ADGRB3: variants seen among roughly 807,000 people sequenced by gnomAD.
The protein encoded by ADGRB3 is adhesion G protein-coupled receptor B3.
A neutral mutation model predicts 193.4 loss-of-function variants in ADGRB3; 37 were observed. The ratio of observed to expected loss-of-function variants is 0.19; its 90% CI spans 0.15 to 0.25. The LOEUF (loss-of-function observed/expected upper bound fraction) is 0.25, where lower values mean the gene tolerates loss of function less well. Among genes scored for constraint, ADGRB3 ranks in the 10% least tolerant of loss-of-function variants. The pLI, the probability that ADGRB3 is intolerant of heterozygous loss-of-function variation, is 1.00. For synonymous variants in ADGRB3, 690 were observed against 644.2 expected (o/e 1.07, Z -1.08); for missense variants, 1,637 against 1,852.9 (o/e 0.88, Z 2.14).
In ADGRB3 at chr6:68,758,195, T is replaced by A. The variant is rs967740240; in HGVS notation, c.757+118763T>A. Among the ~76,000 whole-genome samples, 4 of 152,242 alleles carry A rather than the reference T, an allele frequency of 2.6e-5. No individual in the cohort carries two copies. The South Asian group carries it at 8.3e-4, about 32-fold the overall frequency. ...TAAGATTAGAGGTAATGAATATTAA[T>A]GTTTAACACATTTTTGGTACATATG... On this transcript the variant is annotated intron_variant, in intron 3 of 31. Transcript: ENST00000370598.
intron 17 of ADGRB3, among the ~76,000 whole-genome samples, chr6:69,207,577 C>G (rs1010989005): frequency 3.3e-5 from 5 of 152,172 alleles, no homozygotes; most frequent in Admixed American, 3.3e-4. Context: ...ATAAGAGAAA[C>G]AGTACCATAT....
At chr6:69,104,658 T>C (rs912442203) in intron 17 of ADGRB3, among the ~76,000 whole-genome samples, 4 of 152,170 alleles carry the variant, frequency 2.6e-5, no homozygotes, top group African/African-American at 7.2e-5. Context: ...TCTAACCAAC[T>C]ACTTTTGTGG....
At chr6:68,928,456 G>A (rs1184703271) in intron 3 of ADGRB3, among the ~76,000 whole-genome samples, 2 of 152,106 alleles carry the variant, frequency 1.3e-5, no homozygotes, top group Non-Finnish European at 2.9e-5. Flanking sequence ...GATCACTTGA[G>A]CCCAGGCGTT....
At chr6:68,820,727 A>G (rs1767733277) in intron 3 of ADGRB3, among the ~76,000 whole-genome samples, 1 of 151,976 alleles carries the variant, frequency 6.6e-6, no homozygotes, top group South Asian at 2.1e-4. Flanking sequence ...GCTCCCACAA[A>G]TGAGTAAGAG....
intron 16 of ADGRB3, among the ~76,000 whole-genome samples, chr6:69,067,965 C>T (rs967120607): frequency 2.0e-5 from 3 of 152,022 alleles, no homozygotes; most frequent in Non-Finnish European, 2.9e-5. Flanking sequence ...AGAGTCAGAT[C>T]GTAAAGAATT....
At chr6:69,375,718 C>T (rs994010014) in intron 30 of ADGRB3, among the ~76,000 whole-genome samples, 7 of 152,056 alleles carry the variant, frequency 4.6e-5, no homozygotes, top group African/African-American at 1.4e-4. Flanking sequence ...TAATAGATAA[C>T]AGTATCCATG....
At chr6:69,342,379 A>G (rs1768992962) in intron 26 of ADGRB3, among the ~76,000 whole-genome samples, 1 of 152,106 alleles carries the variant, frequency 6.6e-6, no homozygotes, top group African/African-American at 2.4e-5. Context: ...AAAATACCCT[A>G]TAACATTACT....
chr6:68,836,451 A>G (rs181680680), intron 3 of ADGRB3, among the ~76,000 whole-genome samples: 2 of 152,130 alleles, frequency 1.3e-5, no homozygotes, highest in African/African-American at 2.4e-5. Flanking sequence ...TATTTCCTGC[A>G]TTTGTATTCT....
At chr6:68,892,097 A>G (rs1250032369) in intron 3 of ADGRB3, among the ~76,000 whole-genome samples, 1 of 152,236 alleles carries the variant, frequency 6.6e-6, no homozygotes, top group African/African-American at 2.4e-5. Context: ...TCCTGCAGCT[A>G]GTGGCTACAG....
At chr6:69,206,167 C>T (rs1444435791) in intron 17 of ADGRB3, among the ~76,000 whole-genome samples, 1 of 149,758 alleles carries the variant, frequency 6.7e-6, no homozygotes, top group Non-Finnish European at 1.5e-5. Flanking sequence ...CTTTGAGTTC[C>T]AAAATTGAAG....
At chr6:69,172,410 G>T (rs190130430) in intron 17 of ADGRB3, among the ~76,000 whole-genome samples, 1 of 151,772 alleles carries the variant, frequency 6.6e-6, no homozygotes, top group Non-Finnish European at 1.5e-5. Context: ...TTGGGAGGCC[G>T]AGGCGGGTGG....
intron 5 of ADGRB3, among the ~76,000 whole-genome samples, chr6:68,938,956 A>C (rs566629913): frequency 6.6e-6 from 1 of 152,298 alleles, no homozygotes; most frequent in South Asian, 2.1e-4. Context: ...TGGATCTCCA[A>C]ATGTGAGTCT....
chr6:69,287,113 T>C (rs1461817670), intron 20 of ADGRB3, among the ~76,000 whole-genome samples: 1 of 152,172 alleles, frequency 6.6e-6, no homozygotes, highest in Non-Finnish European at 1.5e-5. Context: ...AAAGAAAAAA[T>C]GAAGACAGTT....
chr6:69,312,528 C>T (rs562452584), intron 20 of ADGRB3, among the ~76,000 whole-genome samples: 6 of 151,564 alleles, frequency 4.0e-5, no homozygotes, highest in South Asian at 4.2e-4. Context: ...CCTAGAATTC[C>T]GTAACAGGTC....
chr6:68,650,628 C>T (rs867078186), intron 3 of ADGRB3, among the ~76,000 whole-genome samples: 2 of 152,020 alleles, frequency 1.3e-5, no homozygotes, highest in African/African-American at 4.8e-5. Context: ...TTCATTTTGC[C>T]TGTTGATCTC....
intron 13 of ADGRB3, among the ~76,000 whole-genome samples, chr6:69,034,839 T>C (rs1562130633): frequency 6.6e-6 from 1 of 151,820 alleles, no homozygotes; most frequent in Admixed American, 6.6e-5. Flanking sequence ...AAAAAGAGCA[T>C]AACTATATAA....
chr6:69,305,876 T>C (rs1221948318), intron 20 of ADGRB3, among the ~76,000 whole-genome samples: 3 of 151,464 alleles, frequency 2.0e-5, no homozygotes, highest in African/African-American at 4.9e-5. Flanking sequence ...AAAATACCCC[T>C]GGGAAAAATA....
intron 6 of ADGRB3, among the ~76,000 whole-genome samples, chr6:68,950,942 G>T (rs1281576118): frequency 6.6e-6 from 1 of 151,928 alleles, no homozygotes; most frequent in East Asian, 1.9e-4. Flanking sequence ...TTCATACTTT[G>T]CATCTTCCCT....
In ADGRB3 at chr6:68,772,889, AAAAAAATATATATATAT is replaced by A. The variant is rs1467976303; in HGVS notation, c.757+133459_757+133475del. Among the ~76,000 whole-genome samples, 179 of 43,596 alleles carry A rather than the reference AAAAAAATATATATATAT, an allele frequency of 4.1e-3. 6 individuals are homozygous for A. The highest frequency in any genetic ancestry group is 0.036 in the South Asian group (57 of 1,604). 28.6% of individuals were successfully genotyped at this position (43,596 alleles called of 152,430 possible). A position where few individuals can be genotyped will look rare whatever the true frequency, so the allele number is the denominator to read the frequency against. On this transcript the variant is annotated intron_variant, in intron 3 of 31. Coordinates refer to ENST00000370598, the MANE Select transcript of ADGRB3 (RefSeq NM_001704.3). Reference sequence around the variant, plus strand: ...AACAAACAAACAAACAAACAAAAAAAAAAAAATATATATATATATATATATATATATATATATATATA... The same window carrying A: ...AACAAACAAACAAACAAACAAAAAAAATATATATATATATATATATATATA...
Sources: allele counts gnomAD v4.1 joint callset (sites outside exome capture counted in the v4.1 genomes callset), GRCh38; gene constraint gnomAD v4.1.1; transcripts MANE v1.5; gene names NCBI Gene and HGNC (gene_info 2026-07-23, HGNC 2026-07-21).